The following TENM2 variants were observed in gnomAD, a reference collection of about 807,000 sequenced individuals.
TENM2 encodes teneurin-2.
A neutral mutation model predicts 245.2 loss-of-function variants in TENM2; 52 were observed. That is an observed-to-expected ratio of 0.21 (90% CI 0.17 to 0.27). The LOEUF (loss-of-function observed/expected upper bound fraction) is 0.27, where lower values mean the gene tolerates loss of function less well. Ranked by LOEUF, TENM2 falls within the 10% of genes least tolerant of loss-of-function variation. The pLI is 1.00. For synonymous variants in TENM2, 1,363 were observed against 1,438.9 expected (o/e 0.95, Z 1.19); for missense variants, 3,046 against 3,666.8 (o/e 0.83, Z 4.37).
chr5:167,435,299 C>A, intron 2 of TENM2, among the ~76,000 whole-genome samples: 1 of 152,146 alleles, frequency 6.6e-6, no homozygotes, highest in East Asian at 1.9e-4. Context: ...GTAGGAGGAA[C>A]CTGGTGGGAT....
intron 2 of TENM2, among the ~76,000 whole-genome samples, chr5:167,477,885 T>G (rs6555750): frequency 0.61 from 92,321 of 151,908 alleles, 29,389 homozygotes; most frequent in Non-Finnish European, 0.72. Flanking sequence ...ACCAAGCAAG[T>G]AATGAAGAAA....
At chr5:167,484,873 A>G (rs370330436) in intron 2 of TENM2, among the ~76,000 whole-genome samples, 7 of 152,234 alleles carry the variant, frequency 4.6e-5, no homozygotes, top group East Asian at 3.8e-4. Flanking sequence ...TAGGAAAGAT[A>G]TTGCATGCTA....
At chr5:167,130,432 A>G in the TENM2 span, among the ~76,000 whole-genome samples, 1 of 152,236 alleles carries the variant, frequency 6.6e-6, no homozygotes, top group African/African-American at 2.4e-5. Flanking sequence ...GAACAATAGC[A>G]TGAGGCAGGT....
At position 167,601,263 on chromosome 5, in the gene TENM2, ACT is replaced by A. The variant is rs140459716; in HGVS notation, c.502+225792_502+225793del. Among the ~76,000 whole-genome samples, 512 of 152,364 alleles carry A rather than the reference ACT, an allele frequency of 3.4e-3. 4 individuals carry two copies. The highest frequency in any genetic ancestry group is 0.012 in the African/African-American group (486 of 41,590). On this transcript the variant is annotated intron_variant, in intron 2 of 28. Coordinates refer to ENST00000518659, the Ensembl canonical transcript of TENM2. Reference sequence around the variant, plus strand: ...TCGCACAGTGACGAAAACATTCTAAACTCACATTTCTAAGACAGTAGGCACTA... The same window carrying A: ...TCGCACAGTGACGAAAACATTCTAAACACATTTCTAAGACAGTAGGCACTA...
chr5:167,867,595 T>C (rs1772434557), intron 2 of TENM2, among the ~76,000 whole-genome samples: 1 of 152,096 alleles, frequency 6.6e-6, no homozygotes, highest in Non-Finnish European at 1.5e-5. Flanking sequence ...TTCAGTGAAG[T>C]GTGAGTGAAG....
At chr5:167,053,060 C>T in the TENM2 span, among the ~76,000 whole-genome samples, 1 of 152,262 alleles carries the variant, frequency 6.6e-6, no homozygotes, top group African/African-American at 2.4e-5. Flanking sequence ...CTCCTCACCT[C>T]ACTGCCTCTG....
chr5:167,167,247 G>T, the TENM2 span, among the ~76,000 whole-genome samples: 2 of 152,146 alleles, frequency 1.3e-5, no homozygotes, highest in Non-Finnish European at 2.9e-5. Flanking sequence ...ACTACAGAGA[G>T]GTTCACAAGA....
At chr5:168,022,892 G>A (rs556451104) in intron 5 of TENM2, among the ~76,000 whole-genome samples, 5 of 152,202 alleles carry the variant, frequency 3.3e-5, no homozygotes, top group South Asian at 2.1e-4. Flanking sequence ...TGCCCCGCTC[G>A]AAGCCACACT....
chr5:167,898,793 A>C (rs1468433968), intron 3 of TENM2, among the ~76,000 whole-genome samples: 1 of 152,108 alleles, frequency 6.6e-6, no homozygotes, highest in Admixed American at 6.6e-5. Context: ...GAGAAGGAGG[A>C]GTCAAAGATA....
At chr5:167,469,936 A>G (rs1766909862) in intron 2 of TENM2, among the ~76,000 whole-genome samples, 1 of 152,134 alleles carries the variant, frequency 6.6e-6, no homozygotes, top group South Asian at 2.1e-4. Context: ...CCATGTTAGT[A>G]GTGTCCACTA....
intron 27 of TENM2, among the ~76,000 whole-genome samples, chr5:168,254,575 A>G (rs1767472771): frequency 3.3e-5 from 5 of 151,754 alleles, no homozygotes; most frequent in Admixed American, 3.3e-4. Flanking sequence ...AAGAAGAGAA[A>G]GAAGAACTAC....
exon 18 of TENM2, chr5:168,203,751 C>T: frequency 6.2e-7 from 1 of 1,613,458 alleles, no homozygotes; most frequent in Non-Finnish European, 8.5e-7. Flanking sequence ...AAGGACAGCC[C>T]TCCTTCAGGG....
At chr5:168,207,039 C>T (rs776445644) in intron 19 of TENM2, among the ~76,000 whole-genome samples, 4 of 152,158 alleles carry the variant, frequency 2.6e-5, no homozygotes, top group Admixed American at 6.5e-5. Flanking sequence ...CCCTCTTCCA[C>T]GTAGCCTGAT....
At chr5:167,592,859 C>A (rs1262399737) in intron 2 of TENM2, among the ~76,000 whole-genome samples, 3 of 152,008 alleles carry the variant, frequency 2.0e-5, no homozygotes, top group African/African-American at 7.2e-5. Flanking sequence ...TTATACACAT[C>A]ATATCCAATG....
chr5:167,175,062 T>G, the TENM2 span, among the ~76,000 whole-genome samples: 1 of 152,162 alleles, frequency 6.6e-6, no homozygotes. Context: ...CATAATTTCC[T>G]TATCCATTTA....
chr5:167,527,580 C>A (rs1771209574), intron 2 of TENM2, among the ~76,000 whole-genome samples: 1 of 152,108 alleles, frequency 6.6e-6, no homozygotes. Context: ...CTTGTTTTTT[C>A]TTAGAGCATT....
rs572923453 is a variant in TENM2, at chr5:168,020,024, C to T, written c.1186+26842C>T. Reference sequence around the variant, plus strand: ...TTTCTACCTATATGGCAATTATATACCATGTTCTCTGAGGGTTAGGATCCA... The same window carrying T: ...TTTCTACCTATATGGCAATTATATATCATGTTCTCTGAGGGTTAGGATCCA... On this transcript the variant is annotated intron_variant, in intron 5 of 28. Coordinates refer to ENST00000518659, the Ensembl canonical transcript of TENM2. Among the ~76,000 whole-genome samples, 9 of 152,212 alleles carry T rather than the reference C, an allele frequency of 5.9e-5. No individual in the cohort carries two copies. In the South Asian group the frequency reaches 1.9e-3, roughly 32 times the overall value.
intron 1 of TENM2, among the ~76,000 whole-genome samples, chr5:167,369,095 G>A (rs1288961592): frequency 3.3e-5 from 5 of 152,052 alleles, no homozygotes; most frequent in East Asian, 1.9e-4. Flanking sequence ...GTCTGCTGCC[G>A]TTTCCAATTT....
At chr5:167,086,448 T>C in the TENM2 span, among the ~76,000 whole-genome samples, 1 of 152,190 alleles carries the variant, frequency 6.6e-6, no homozygotes, top group East Asian at 1.9e-4. Context: ...TTTTCAATTC[T>C]GAAACAGAGG....
Sources: gnomAD v4.1 joint callset for allele counts (sites outside exome capture counted in the v4.1 genomes callset) on GRCh38, gnomAD v4.1.1 for gene constraint, MANE v1.5 for transcripts, NCBI Gene and HGNC (gene_info 2026-07-23, HGNC 2026-07-21) for gene names.